The following TTF1 variants were observed in gnomAD, a reference collection of about 807,000 sequenced individuals.
TTF1 encodes the protein transcription termination factor, RNA polymerase I.
TTF1 carries 64 observed loss-of-function variants against 80.2 expected under a neutral mutation model. That is an observed-to-expected ratio of 0.80 (90% CI 0.65 to 0.98). The LOEUF (loss-of-function observed/expected upper bound fraction) is 0.98, where lower values mean the gene tolerates loss of function less well. Among genes scored for constraint, TTF1 ranks in the 50% least tolerant of loss-of-function variants. TTF1 has a pLI of 0.00. For missense variants in TTF1, 1,023 were observed against 1,086.2 expected (o/e 0.94, Z 0.82); for synonymous variants, 372 against 382.7 (o/e 0.97, Z 0.33).
intron 5 of TTF1, among the ~76,000 whole-genome samples, chr9:132,395,357 G>C (rs1390984518): frequency 6.6e-6 from 1 of 152,024 alleles, no homozygotes; most frequent in Non-Finnish European, 1.5e-5. Flanking sequence ...AGCACAAAGA[G>C]ATGAACTGTT....
At chr9:132,390,307 T>G (rs1270933619) in intron 7 of TTF1, among the ~76,000 whole-genome samples, 3 of 152,198 alleles carry the variant, frequency 2.0e-5, no homozygotes, top group South Asian at 2.1e-4. Context: ...GCCAACAGAT[T>G]GCTACCTTGT....
In TTF1 at chr9:132,379,161, A is replaced by C; in HGVS notation, c.2379-17T>G. On this transcript the variant is annotated splice_polypyrimidine_tract_variant and intron_variant, in intron 9 of 10. Transcript: ENST00000334270. Reference sequence around the variant, plus strand: ...GGAACATCACTTTAGAAAAGGAAAGAAAAGATAAAAAGCAAGTTAGTTTAA... The same window carrying C: ...GGAACATCACTTTAGAAAAGGAAAGCAAAGATAAAAAGCAAGTTAGTTTAA... The C allele has an allele frequency of 6.4e-7, 1 of 1,566,398 alleles. No individual in the cohort carries two copies. The highest frequency in any genetic ancestry group is 8.7e-7 in the Non-Finnish European group (1 of 1,150,164).
intron 10 of TTF1, among the ~76,000 whole-genome samples, chr9:132,378,669 G>C (rs1849308502): frequency 1.6e-5 from 2 of 126,190 alleles, no homozygotes; most frequent in African/African-American, 6.6e-5. Flanking sequence ...ACGTGTGTGA[G>C]TGCATGCATG....
At chr9:132,393,940 G>C (rs1275448546) in intron 5 of TTF1, among the ~76,000 whole-genome samples, 1 of 139,846 alleles carries the variant, frequency 7.2e-6, no homozygotes, top group African/African-American at 2.7e-5. Flanking sequence ...TTTTTTCTTT[G>C]AGACAGGGTC....
chr9:132,397,714 C>T (rs557106483), intron 4 of TTF1, among the ~76,000 whole-genome samples: 87 of 152,188 alleles, frequency 5.7e-4, no homozygotes, highest in African/African-American at 1.4e-3. Context: ...GGGCTGGGCG[C>T]GGTGGCTCAC....
At chr9:132,376,641 T>A (rs1055199101) in intron 10 of TTF1, among the ~76,000 whole-genome samples, 7 of 150,336 alleles carry the variant, frequency 4.7e-5, no homozygotes, top group Non-Finnish European at 8.8e-5. Context: ...AGGTCTGAAA[T>A]GAGGCCCAGA....
chr9:132,400,367 A>G, intron 2 of TTF1, 109 bp from the exon 3 acceptor site: 2 of 855,480 alleles, frequency 2.3e-6, no homozygotes, highest in Non-Finnish European at 3.7e-6. Flanking sequence ...CTCTGTCGCC[A>G]GGCTGGAGTG....
intron 10 of TTF1, 71 bp from the exon 11 acceptor site, chr9:132,376,239 G>C: frequency 6.7e-7 from 1 of 1,494,938 alleles, no homozygotes; most frequent in South Asian, 1.3e-5. Context: ...GAGGCATACA[G>C]GAGGCTGGTA....
At chr9:132,391,733 G>A (rs1350850413) in intron 6 of TTF1, among the ~76,000 whole-genome samples, 6 of 152,198 alleles carry the variant, frequency 3.9e-5, no homozygotes, top group Non-Finnish European at 8.8e-5. Context: ...CACGAACTGC[G>A]TGCCTGCCTC....
Position 132,396,443 on chromosome 9 carries a change from A to G in TTF1, c.1846T>C (p.Tyr616His). ...RAKKMFDVNN[Y>H]KGRYSEGDTE... Reference sequence around the variant, plus strand: ...AGACTTTTTTCTTACCTGCCTTTGTAATTGTTGACATCGAACATCTTCTTT... The same window carrying G: ...AGACTTTTTTCTTACCTGCCTTTGTGATTGTTGACATCGAACATCTTCTTT... The change falls in exon 5 of 11, where the codon TAC becomes CAC. Residue 616 changes from tyrosine to histidine, a missense_variant. Transcript: ENST00000334270. 6.2e-7 allele frequency: 1 copy of G among 1,614,162 alleles called. No homozygotes were observed. The highest frequency in any genetic ancestry group is 8.5e-7 in the Non-Finnish European group (1 of 1,180,030).
intron 9 of TTF1, among the ~76,000 whole-genome samples, chr9:132,385,435 C>A (rs1849448008): frequency 6.6e-6 from 1 of 152,178 alleles, no homozygotes; most frequent in Non-Finnish European, 1.5e-5. Context: ...GTCTGAAGTC[C>A]CCTGAGGCGT....
chr9:132,390,753 A>T lies in TTF1; in HGVS notation c.2066T>A (p.Met689Lys), dbSNP rs755025754. 9 of 1,614,234 alleles carry T rather than the reference A, an allele frequency of 5.6e-6. No homozygotes were observed. Among genetic ancestry groups the T allele is most frequent in the Non-Finnish European group, 7.6e-6 (9 of 1,180,038 alleles). Residue 689 changes from methionine to lysine, a missense_variant, in exon 7 of 11, where the codon ATG becomes AAG. Physicochemically the swap from Met to Lys is moderately conservative, Grantham distance 95. Transcript: ENST00000334270. Reference sequence around the variant, plus strand: ...CACCTCTTTTAACTCCTGGGGAGACATCTTCTTCAGAATCACTTCTTCGAC... The same window carrying T: ...CACCTCTTTTAACTCCTGGGGAGACTTCTTCTTCAGAATCACTTCTTCGAC... ...KAVEEVILKK[M>K]SPQELKEVDS... is the part of the protein sequence containing the mutation.
At chr9:132,380,032 G>A (rs1458362155) in intron 9 of TTF1, among the ~76,000 whole-genome samples, 2 of 152,008 alleles carry the variant, frequency 1.3e-5, no homozygotes, top group Admixed American at 6.6e-5. Context: ...AGCTGAGGAC[G>A]TATGTGCCAG....
At chr9:132,405,057 T>C (rs1435814590) in intron 1 of TTF1, among the ~76,000 whole-genome samples, 1 of 150,690 alleles carries the variant, frequency 6.6e-6, no homozygotes, top group Non-Finnish European at 1.5e-5. Flanking sequence ...GGCTAATTTT[T>C]TTGTATTTTT....
intron 9 of TTF1, among the ~76,000 whole-genome samples, chr9:132,386,306 T>C (rs947676907): frequency 2.0e-4 from 31 of 152,176 alleles, no homozygotes; most frequent in African/African-American, 6.3e-4. Flanking sequence ...CAACTAGTGA[T>C]GTATTTAGTG....
At position 132,392,191 on chromosome 9, in the gene TTF1, AT is replaced by A; in HGVS notation, c.1871del (p.Asp624ValfsTer5). 1 of 1,614,166 alleles carries A rather than the reference AT, an allele frequency of 6.2e-7. No individual in the cohort carries two copies. The highest frequency in any genetic ancestry group is 8.5e-7 in the Non-Finnish European group (1 of 1,180,024). ...NNYKGRYSEGDTEKLKMYHSL... is the reference protein window; with the variant it reads ...NNYKGRYSEGXTEKLKMYHSL... ...AATGGTACATCTTTAACTTCTCAGT[AT>A]CTCCTTCGCTATACCTAGGAGAAAG... is the stretch of plus-strand genomic sequence containing the variant. On this transcript the variant is annotated frameshift_variant, in exon 6 of 11. Coordinates refer to ENST00000334270, the MANE Select transcript of TTF1 (RefSeq NM_007344.4). LOFTEE classifies it high-confidence loss of function.
chr9:132,400,603 A>T (rs770796237), intron 2 of TTF1, among the ~76,000 whole-genome samples: 8 of 152,198 alleles, frequency 5.3e-5, no homozygotes, highest in Non-Finnish European at 1.2e-4. Context: ...GATTACAGGC[A>T]TGAGCCACCA....
chr9:132,403,472 C>G (rs562604577), intron 1 of TTF1, among the ~76,000 whole-genome samples: 8 of 152,090 alleles, frequency 5.3e-5, no homozygotes, highest in Admixed American at 1.3e-4. Flanking sequence ...ACCTTTCCCC[C>G]CCAGCTCTCC....
rs765386684 is a variant in TTF1 at position 132,392,206 on chromosome 9, C to T, written c.1857G>A (p.Arg619=). 7.4e-6 allele frequency: 12 copies of T among 1,614,036 alleles called. No individual in the cohort carries two copies. The highest frequency in any genetic ancestry group is 1.0e-5 in the Non-Finnish European group (12 of 1,179,960). ...KMFDVNNYKG[R]YSEGDTEKLK... is the part of the protein sequence containing the mutation. ...ACTTCTCAGTATCTCCTTCGCTATA[C>T]CTAGGAGAAAGGGAAAATGTTTTAC... Residue 619 remains arginine, a splice_region_variant and synonymous_variant, in exon 6 of 11, where the codon AGG becomes AGA. Transcript: ENST00000334270.
Sources: allele counts gnomAD v4.1 joint callset (sites outside exome capture counted in the v4.1 genomes callset), GRCh38; gene constraint gnomAD v4.1.1; transcripts MANE v1.5; gene names NCBI Gene and HGNC (gene_info 2026-07-23, HGNC 2026-07-21).